Variants in TTLL11 observed in about 807,000 individuals in gnomAD.
TTLL11 encodes tubulin tyrosine ligase like 11, also known as tubulin polyglutamylase TTLL11.
TTLL11 carries 42 observed loss-of-function variants against 51.7 expected under a neutral mutation model. That is an observed-to-expected ratio of 0.81 (90% CI 0.64 to 1.05). The LOEUF is 1.05. Ranked by LOEUF, TTLL11 falls within the 50% of genes least tolerant of loss-of-function variation. The pLI is 0.00. For synonymous variants in TTLL11, 381 were observed against 383.5 expected (o/e 0.99, Z 0.08); for missense variants, 799 against 940.4 (o/e 0.85, Z 1.97).
At chr9:122,015,645 A>C (rs1361698272) in intron 3 of TTLL11, among the ~76,000 whole-genome samples, 7 of 152,106 alleles carry the variant, frequency 4.6e-5, no homozygotes, top group Non-Finnish European at 1.0e-4. Flanking sequence ...CACCAGGGAA[A>C]GGCTGGCTGG....
intron 1 of TTLL11, among the ~76,000 whole-genome samples, chr9:122,081,020 A>G (rs1845992022): frequency 6.6e-6 from 1 of 152,226 alleles, no homozygotes; most frequent in Admixed American, 6.5e-5. Context: ...ATTCCATCTC[A>G]ATGGTAGGAC....
intron 6 of TTLL11, among the ~76,000 whole-genome samples, chr9:121,923,469 T>C (rs892164987): frequency 4.6e-5 from 7 of 152,082 alleles, no homozygotes; most frequent in African/African-American, 1.7e-4. Flanking sequence ...ATAACCATTG[T>C]AATTTTTGAA....
At chr9:121,877,837 C>T (rs1303416611) in intron 6 of TTLL11, among the ~76,000 whole-genome samples, 2 of 152,272 alleles carry the variant, frequency 1.3e-5, no homozygotes, top group South Asian at 4.1e-4. Context: ...CCCAGACAGG[C>T]GGGCTCCAGC....
intron 6 of TTLL11, among the ~76,000 whole-genome samples, chr9:121,942,022 C>T (rs1232201945): frequency 6.6e-6 from 1 of 152,172 alleles, no homozygotes; most frequent in African/African-American, 2.4e-5. Context: ...CAAGAATAAC[C>T]TGCCCTTCTC....
chr9:122,046,421 T>C (rs953472278), intron 1 of TTLL11, among the ~76,000 whole-genome samples: 1 of 152,188 alleles, frequency 6.6e-6, no homozygotes, highest in Non-Finnish European at 1.5e-5. Flanking sequence ...ATTAAACCTC[T>C]TTCCCTTATC....
In TTLL11 at chr9:122,052,623, A is replaced by T. The variant is rs187852733; in HGVS notation, c.463-13255T>A. 1.8e-3 allele frequency among the ~76,000 whole-genome samples: 276 copies of T among 152,288 alleles called. 3 individuals are homozygous for T. The highest frequency in any genetic ancestry group is 3.4e-3 in the Middle Eastern group (1 of 294). On this transcript the variant is annotated intron_variant, in intron 1 of 8. Transcript: ENST00000321582. ...ATACTTATTGACTGATAAGATTTTT[A>T]AAAACTCTTCCTTCATCCATCTTTC... is the stretch of plus-strand genomic sequence containing the variant.
intron 6 of TTLL11, among the ~76,000 whole-genome samples, chr9:121,963,185 A>T (rs1179639070): frequency 6.6e-6 from 1 of 152,222 alleles, no homozygotes; most frequent in Non-Finnish European, 1.5e-5. Context: ...ACTATATGTG[A>T]ACATTTACTA....
At chr9:122,058,005 C>T (rs745476357) in intron 1 of TTLL11, among the ~76,000 whole-genome samples, 14 of 152,200 alleles carry the variant, frequency 9.2e-5, no homozygotes, top group African/African-American at 1.9e-4. Context: ...AATTCACCCA[C>T]GTTCTAGCAG....
chr9:121,939,174 T>C (rs1279680200), intron 6 of TTLL11, among the ~76,000 whole-genome samples: 2 of 152,220 alleles, frequency 1.3e-5, no homozygotes, highest in African/African-American at 4.8e-5. Context: ...GACTGCTGTA[T>C]AATATTTCCT....
intron 1 of TTLL11, among the ~76,000 whole-genome samples, chr9:122,044,269 T>C (rs1248011982): frequency 2.0e-5 from 3 of 152,120 alleles, no homozygotes; most frequent in African/African-American, 4.8e-5. Context: ...TGTTGGACAT[T>C]TGGGTTGGTT....
chr9:122,008,168 G>C (rs893800458), intron 3 of TTLL11, among the ~76,000 whole-genome samples: 2 of 152,174 alleles, frequency 1.3e-5, no homozygotes, highest in African/African-American at 4.8e-5. Flanking sequence ...AATTCTTCCA[G>C]ATTGAAGGAG....
intron 8 of TTLL11, among the ~76,000 whole-genome samples, chr9:121,856,564 G>T (rs892759055): frequency 3.6e-5 from 4 of 111,418 alleles, no homozygotes; most frequent in Non-Finnish European, 6.4e-5. Context: ...TCCCTTAAGA[G>T]GCTAGGATCT....
At chr9:121,841,759 T>G (rs961889245) in intron 8 of TTLL11, among the ~76,000 whole-genome samples, 1 of 152,096 alleles carries the variant, frequency 6.6e-6, no homozygotes, top group African/African-American at 2.4e-5. Context: ...TGTGGGGGTC[T>G]GTCTTGTGCA....
rs1424855550 is a variant in TTLL11 at position 121,826,515 on chromosome 9, G to GTGTA, written c.1841-3637_1841-3636insTACA. On this transcript the variant is annotated intron_variant, in intron 8 of 8. Transcript: ENST00000321582. ...TATATGTGTGTGTATATATATATAT[G>GTGTA]TATATATATATATGTGTGTGTGTAT... 5.8e-5 allele frequency among the ~76,000 whole-genome samples: 2 copies of GTGTA among 34,456 alleles called. 1 individual carries two copies. Among genetic ancestry groups the GTGTA allele is most frequent in the African/African-American group, 1.4e-4 (2 of 14,356 alleles). The allele number at this position is 34,456 out of a possible 152,430, so 22.6% of individuals were successfully genotyped here.
chr9:121,905,117 T>C (rs1041462982), intron 6 of TTLL11, among the ~76,000 whole-genome samples: 5 of 152,194 alleles, frequency 3.3e-5, no homozygotes, highest in Non-Finnish European at 7.3e-5. Context: ...GGGTTCTCTG[T>C]AATATCACTG....
In TTLL11 at chr9:121,954,675, G is replaced by GATGCACACAC. The variant is rs1195004791; in HGVS notation, c.1481+19333_1481+19334insGTGTGTGCAT. On this transcript the variant is annotated intron_variant, in intron 6 of 8. Coordinates refer to ENST00000321582, the MANE Select transcript of TTLL11 (RefSeq NM_001139442.2). ...CAGTGCAAGCACACACACACACACA[G>GATGCACACAC]ACGCACACACACACACACACACAGA... Among the ~76,000 whole-genome samples, 223 of 74,008 alleles carry GATGCACACAC rather than the reference G, an allele frequency of 3.0e-3. 1 individual carries two copies. In the Middle Eastern group the frequency reaches 0.042, roughly 14 times the overall value. The allele number at this position is 74,008 out of a possible 152,430, so 48.6% of individuals were successfully genotyped here. A position where few individuals can be genotyped will look rare whatever the true frequency, so the allele number is the denominator to read the frequency against.
At chr9:121,911,008 A>G (rs926810709) in intron 6 of TTLL11, among the ~76,000 whole-genome samples, 1 of 152,036 alleles carries the variant, frequency 6.6e-6, no homozygotes, top group East Asian at 1.9e-4. Flanking sequence ...TTGGTATATG[A>G]CTCTTTTTAA....
chr9:121,841,569 G>T (rs1338382432), intron 8 of TTLL11, among the ~76,000 whole-genome samples: 3 of 152,174 alleles, frequency 2.0e-5, no homozygotes, highest in Non-Finnish European at 2.9e-5. Context: ...CAGACGAGGT[G>T]AGCTCCCTTT....
intron 6 of TTLL11, among the ~76,000 whole-genome samples, chr9:121,895,623 G>A (rs576219261): frequency 6.7e-6 from 1 of 148,726 alleles, no homozygotes; most frequent in Admixed American, 6.7e-5. Flanking sequence ...GTGTGAACAT[G>A]TGGTCATGTG....
Sources: gnomAD v4.1 joint callset for allele counts (sites outside exome capture counted in the v4.1 genomes callset) on GRCh38, gnomAD v4.1.1 for gene constraint, MANE v1.5 for transcripts, NCBI Gene and HGNC (gene_info 2026-07-23, HGNC 2026-07-21) for gene names.